The following NRXN3 variants were observed in gnomAD, a reference collection of about 807,000 sequenced individuals.
NRXN3 encodes neurexin 3.
In NRXN3, 32 loss-of-function variants were observed where a neutral mutation model predicts 137.6. The ratio of observed to expected loss-of-function variants is 0.23; its 90% confidence interval spans 0.18 to 0.31. The LOEUF (loss-of-function observed/expected upper bound fraction) is 0.31. Ranked by LOEUF, NRXN3 falls within the 10% of genes least tolerant of loss-of-function variation. NRXN3 has a pLI of 1.00. For missense variants in NRXN3, 1,574 were observed against 2,062.5 expected, an observed-to-expected ratio of 0.76 and a Z score of 4.59; for synonymous variants, 798 against 784.5, an observed-to-expected ratio of 1.02 and a Z score of -0.29.
At chr14:79,250,354 C>T (rs2075767175) in intron 15 of NRXN3, among the ~76,000 whole-genome samples, 1 of 152,012 alleles carries the variant, frequency 6.6e-6, no homozygotes, top group South Asian at 2.1e-4. Flanking sequence ...AAAATGTGAA[C>T]AATGTGACAA....
At chr14:78,347,108 T>G (rs1208879173) in intron 4 of NRXN3, among the ~76,000 whole-genome samples, 6 of 152,212 alleles carry the variant, frequency 3.9e-5, no homozygotes, top group African/African-American at 1.4e-4. Flanking sequence ...CACAGCATTT[T>G]GAAAAAGTTT....
At chr14:78,198,410 C>T (rs927808025) in intron 1 of NRXN3, among the ~76,000 whole-genome samples, 1 of 152,162 alleles carries the variant, frequency 6.6e-6, no homozygotes, top group Non-Finnish European at 1.5e-5. Context: ...TTGTTCTGCT[C>T]CCTCAGGAGT....
intron 4 of NRXN3, among the ~76,000 whole-genome samples, chr14:78,538,424 T>C (rs1030312043): frequency 2.6e-5 from 4 of 152,180 alleles, no homozygotes; most frequent in Non-Finnish European, 5.9e-5. Context: ...TGTCTGTTAA[T>C]GGTGTATAGG....
intron 19 of NRXN3, among the ~76,000 whole-genome samples, chr14:79,709,213 G>A (rs1381576822): frequency 6.6e-6 from 1 of 152,164 alleles, no homozygotes; most frequent in Non-Finnish European, 1.5e-5. Flanking sequence ...TATAGAGCAA[G>A]GCTCTAGGAA....
chr14:79,084,546 A>G (rs2047710017), intron 15 of NRXN3, among the ~76,000 whole-genome samples: 1 of 152,140 alleles, frequency 6.6e-6, no homozygotes, highest in African/African-American at 2.4e-5. Context: ...ATTTCTTAAA[A>G]TTATTCTTTC....
chr14:79,599,445 C>A (rs1449114307), intron 16 of NRXN3, among the ~76,000 whole-genome samples: 2 of 152,152 alleles, frequency 1.3e-5, no homozygotes, highest in African/African-American at 4.8e-5. Context: ...TAGTCCTAAA[C>A]CTTCTCTGTT....
At chr14:78,965,910 C>G in intron 11 of NRXN3, 115 bp from the exon 12 acceptor site, 4 of 1,225,062 alleles carry the variant, frequency 3.3e-6, no homozygotes, top group Non-Finnish European at 4.6e-6. Context: ...TTGAACTCAC[C>G]CAAGAAAGCT....
chr14:78,609,238 GAAGTAGTT>G (rs1291358556), intron 4 of NRXN3, among the ~76,000 whole-genome samples: 4 of 151,838 alleles, frequency 2.6e-5, no homozygotes, highest in Admixed American at 6.6e-5. Context: ...TTTGGAGGAG[GAAGTAGTT>G]AAGGGCAGGG....
chr14:78,356,345 G>C (rs2084302068), intron 4 of NRXN3, among the ~76,000 whole-genome samples: 1 of 152,234 alleles, frequency 6.6e-6, no homozygotes, highest in Non-Finnish European at 1.5e-5. Flanking sequence ...GGCAAGTCAG[G>C]AATAGATATG....
At chr14:79,364,301 G>A (rs902644220) in intron 15 of NRXN3, among the ~76,000 whole-genome samples, 3 of 152,202 alleles carry the variant, frequency 2.0e-5, no homozygotes, top group African/African-American at 7.2e-5. Flanking sequence ...TAGGCCCTGA[G>A]GGGCCACAGT....
intron 16 of NRXN3, among the ~76,000 whole-genome samples, chr14:79,504,641 T>TTATA (rs59363016): frequency 1.0e-5 from 1 of 97,876 alleles, no homozygotes; most frequent in Non-Finnish European, 2.2e-5. Flanking sequence ...ATGAAGTTTT[T>TTATA]TATATATATA....
chr14:79,316,021 A>T (rs917113120), intron 15 of NRXN3, among the ~76,000 whole-genome samples: 1 of 152,186 alleles, frequency 6.6e-6, no homozygotes, highest in Non-Finnish European at 1.5e-5. Flanking sequence ...GGCTGAATCC[A>T]TTGCTTTGTA....
At chr14:79,164,422 T>C (rs573811078) in intron 15 of NRXN3, among the ~76,000 whole-genome samples, 16 of 152,132 alleles carry the variant, frequency 1.1e-4, no homozygotes, top group Middle Eastern at 6.8e-3. Context: ...AGTAAACATC[T>C]AGTCCATTTT....
intron 15 of NRXN3, among the ~76,000 whole-genome samples, chr14:78,990,055 ACTGT>A (rs3035445): frequency 0.3 from 45,937 of 151,882 alleles, 7,467 homozygotes; most frequent in Admixed American, 0.45. Context: ...GGAGTATCAC[ACTGT>A]CTGACTTGGG....
chr14:78,459,738 C>G (rs1008531755), intron 4 of NRXN3, among the ~76,000 whole-genome samples: 1 of 152,192 alleles, frequency 6.6e-6, no homozygotes, highest in African/African-American at 2.4e-5. Flanking sequence ...AACTCACTTT[C>G]TCGTACTATA....
At chr14:79,589,147 C>T (rs906037634) in intron 16 of NRXN3, among the ~76,000 whole-genome samples, 3 of 152,080 alleles carry the variant, frequency 2.0e-5, no homozygotes, top group East Asian at 1.9e-4. Context: ...CCTAGCTATT[C>T]GGGAGGCTGA....
intron 4 of NRXN3, among the ~76,000 whole-genome samples, chr14:78,459,912 C>T (rs867923997): frequency 7.9e-5 from 12 of 152,246 alleles, no homozygotes; most frequent in Middle Eastern, 3.4e-3. Flanking sequence ...GTTAAGGGCT[C>T]AGTCCCACAA....
At chr14:78,775,029 C>T (rs1293246798) in intron 8 of NRXN3, among the ~76,000 whole-genome samples, 1 of 152,218 alleles carries the variant, frequency 6.6e-6, no homozygotes, top group Non-Finnish European at 1.5e-5. Flanking sequence ...AACCATTACA[C>T]TACACCCATT....
intron 16 of NRXN3, among the ~76,000 whole-genome samples, chr14:79,513,114 G>A (rs1026775450): frequency 6.6e-6 from 1 of 152,232 alleles, no homozygotes; most frequent in Admixed American, 6.5e-5. Flanking sequence ...CATAAGGATG[G>A]TGTATGTAGA....
Sources: allele counts gnomAD v4.1 joint callset (sites outside exome capture counted in the v4.1 genomes callset), GRCh38; gene constraint gnomAD v4.1.1; transcripts MANE v1.5; gene names NCBI Gene and HGNC (gene_info 2026-07-23, HGNC 2026-07-21).